The following GALNT7 variants were observed in gnomAD, a reference collection of about 807,000 sequenced individuals.
GALNT7 encodes N-acetylgalactosaminyltransferase 7.
In GALNT7, 60 loss-of-function variants were observed where a neutral mutation model predicts 82.1. The ratio of observed to expected loss-of-function variants is 0.73; its 90% CI spans 0.59 to 0.91. The LOEUF is 0.91. GALNT7 is among the 40% of genes least tolerant of loss of function. The pLI is 0.00. For synonymous variants in GALNT7, 243 were observed against 275.1 expected (o/e 0.88, Z 1.15); for missense variants, 660 against 804.2 (o/e 0.82, Z 2.17).
chr4:173,181,932 A>G (rs1248125834), intron 1 of GALNT7, among the ~76,000 whole-genome samples: 1 of 152,254 alleles, frequency 6.6e-6, no homozygotes, highest in African/African-American at 2.4e-5. Flanking sequence ...CAGCCTATAC[A>G]CTATGACTAA....
chr4:173,209,807 T>C (rs1248498976), intron 1 of GALNT7, among the ~76,000 whole-genome samples: 1 of 152,188 alleles, frequency 6.6e-6, no homozygotes, highest in African/African-American at 2.4e-5. Context: ...CAGGTGCCTT[T>C]GTGCTCAGGC....
At chr4:173,267,646 G>A (rs970440674) in intron 2 of GALNT7, among the ~76,000 whole-genome samples, 2 of 152,174 alleles carry the variant, frequency 1.3e-5, no homozygotes, top group African/African-American at 2.4e-5. Flanking sequence ...CATGGTATCC[G>A]AGAGTGCCAA....
intron 8 of GALNT7, among the ~76,000 whole-genome samples, chr4:173,304,432 A>C (rs1477499382): frequency 1.3e-5 from 2 of 151,538 alleles, no homozygotes; most frequent in African/African-American, 4.8e-5. Context: ...CTATTTTTTT[A>C]ATTGACAAGT....
chr4:173,182,615 C>A (rs2126629426), intron 1 of GALNT7, among the ~76,000 whole-genome samples: 1 of 152,078 alleles, frequency 6.6e-6, no homozygotes, highest in East Asian at 1.9e-4. Context: ...CATGTGGGCA[C>A]ACAGCGTGTT....
chr4:173,188,893 ACTC>A, intron 1 of GALNT7, among the ~76,000 whole-genome samples: 1 of 152,006 alleles, frequency 6.6e-6, no homozygotes, highest in East Asian at 1.9e-4. Context: ...TGGTTCCTAA[ACTC>A]CTCAAAAGCA....
chr4:173,265,824 A>C (rs1735467451), intron 2 of GALNT7, among the ~76,000 whole-genome samples: 1 of 151,836 alleles, frequency 6.6e-6, no homozygotes, highest in African/African-American at 2.4e-5. Flanking sequence ...CAGTCTTCAA[A>C]TGGCCCAGAT....
At chr4:173,300,757 C>T (rs1033384315) in intron 6 of GALNT7, among the ~76,000 whole-genome samples, 118 of 151,646 alleles carry the variant, frequency 7.8e-4, no homozygotes, top group African/African-American at 2.7e-3. Flanking sequence ...GACACAAGCT[C>T]GGGAGATATT....
chr4:173,298,556 G>C (rs1736806144), intron 6 of GALNT7, among the ~76,000 whole-genome samples: 1 of 152,118 alleles, frequency 6.6e-6, no homozygotes, highest in Non-Finnish European at 1.5e-5. Context: ...CATGGCATTT[G>C]TTCCACGTAC....
At chr4:173,210,479 G>C (rs897293577) in intron 1 of GALNT7, among the ~76,000 whole-genome samples, 53 of 152,160 alleles carry the variant, frequency 3.5e-4, no homozygotes, top group African/African-American at 1.2e-3. Context: ...TTGGAAACAG[G>C]GTCTTGCTCT....
intron 1 of GALNT7, among the ~76,000 whole-genome samples, chr4:173,210,471 G>A (rs1414676933): frequency 6.6e-6 from 1 of 150,908 alleles, no homozygotes; most frequent in East Asian, 1.9e-4. Context: ...CTTTTTTTTT[G>A]GAAACAGGGT....
intron 6 of GALNT7, 138 bp from the exon 7 acceptor site, chr4:173,301,909 A>T: frequency 1.7e-6 from 1 of 583,802 alleles, no homozygotes; most frequent in Non-Finnish European, 3.1e-6. Context: ...TAAAGGCTTT[A>T]TAATTTCTTA....
chr4:173,182,760 C>CAG (rs1732291561), intron 1 of GALNT7, among the ~76,000 whole-genome samples: 1 of 148,632 alleles, frequency 6.7e-6, no homozygotes, highest in African/African-American at 2.5e-5. Flanking sequence ...CACACACACA[C>CAG]ACACAGACAC....
At position 173,168,889 on chromosome 4, in the gene GALNT7, C is replaced by T. The variant is rs1476193650; in HGVS notation, c.54C>T (p.Phe18=). ...GCAGTTTGCTGGTGGTGGGAAGCTT[C>T]CTGGGGCTAGTGGTCCTCTGGTCTT... ...ILRSLLVVGS[F]LGLVVLWSSL... is the part of the protein sequence containing the mutation. The change falls in exon 1 of 12, where the codon TTC becomes TTT. Residue 18 remains phenylalanine, a synonymous_variant. Coordinates refer to ENST00000265000, the MANE Select transcript of GALNT7 (RefSeq NM_017423.3). The T allele has an allele frequency of 1.2e-6, 2 of 1,613,430 alleles. No individual in the cohort carries two copies. Among genetic ancestry groups the T allele is most frequent in the African/African-American group, 1.3e-5 (1 of 74,858 alleles).
intron 8 of GALNT7, among the ~76,000 whole-genome samples, chr4:173,311,648 G>C (rs987127238): frequency 1.3e-5 from 2 of 152,130 alleles, no homozygotes; most frequent in Non-Finnish European, 1.5e-5. Context: ...GCATGGGGGT[G>C]GGGGGTGGAC....
Position 173,321,734 on chromosome 4 carries a change from C to T in GALNT7, c.*17C>T, listed in dbSNP as rs771685808. ...AGTGTTTAGAGAGAAAAAAATAAAC[C>T]AATAACCTACCTACTGACAAGTAAA... On this transcript the variant is annotated 3_prime_UTR_variant, in exon 12 of 12. Coordinates refer to ENST00000265000, the MANE Select transcript of GALNT7 (RefSeq NM_017423.3). 8 of 1,569,690 alleles carry T rather than the reference C, an allele frequency of 5.1e-6. No individual in the cohort carries two copies. The highest frequency in any genetic ancestry group is 6.1e-6 in the Non-Finnish European group (7 of 1,141,846).
intron 2 of GALNT7, among the ~76,000 whole-genome samples, chr4:173,273,456 A>G (rs996796091): frequency 3.3e-5 from 5 of 152,208 alleles, no homozygotes; most frequent in African/African-American, 9.6e-5. Flanking sequence ...AAAAACAACA[A>G]CAAAAAATCC....
chr4:173,303,751 G>T (rs1335740080), intron 7 of GALNT7, among the ~76,000 whole-genome samples: 1 of 152,098 alleles, frequency 6.6e-6, no homozygotes, highest in African/African-American at 2.4e-5. Context: ...AGTTGCTAGG[G>T]GCTATGAGTA....
At chr4:173,309,282 C>T (rs546910697) in intron 8 of GALNT7, among the ~76,000 whole-genome samples, 2 of 152,246 alleles carry the variant, frequency 1.3e-5, no homozygotes, top group East Asian at 1.9e-4. Flanking sequence ...AGGGAGTGTA[C>T]GTGCTCTCTC....
intron 1 of GALNT7, among the ~76,000 whole-genome samples, chr4:173,185,413 C>CAAAAAAAAA (rs33996293): frequency 7.0e-6 from 1 of 142,134 alleles, no homozygotes. Context: ...CAATGAATCT[C>CAAAAAAAAA]AAAAAAAAAA....
Sources: gnomAD v4.1 joint callset for allele counts (sites outside exome capture counted in the v4.1 genomes callset) on GRCh38, gnomAD v4.1.1 for gene constraint, MANE v1.5 for transcripts, NCBI Gene and HGNC (gene_info 2026-07-23, HGNC 2026-07-21) for gene names.